Variants in IL4I1 observed in about 807,000 individuals in gnomAD.
IL4I1 encodes the protein L-amino-acid oxidase.
In IL4I1, 24 loss-of-function variants were observed where a neutral mutation model predicts 29.7. The ratio of observed to expected loss-of-function variants is 0.81; its 90% CI spans 0.59 to 1.14. IL4I1 has a LOEUF of 1.14. Ranked by LOEUF, IL4I1 falls within the 50% of genes most tolerant of loss-of-function variation. IL4I1 has a pLI of 0.00. For synonymous variants in IL4I1, 371 were observed against 352.5 expected (o/e 1.05, Z -0.59); for missense variants, 686 against 785.6 (o/e 0.87, Z 1.52).
In IL4I1 at chr19:49,926,261, G is replaced by C. The variant is rs938358279; in HGVS notation, c.-228+1433C>G. Reference sequence around the variant, plus strand: ...GTCTTGCTTAAGACTGGGTGTGGTGGCTCATGCCTGTAAATCCCAGCATTT... The same window carrying C: ...GTCTTGCTTAAGACTGGGTGTGGTGCCTCATGCCTGTAAATCCCAGCATTT... On this transcript the variant is annotated intron_variant, in intron 2 of 9. Transcript: ENST00000341114. Among the ~76,000 whole-genome samples the C allele has an allele frequency of 5.3e-5, 8 of 150,810 alleles. No homozygotes were observed. The Admixed American group carries it at 5.3e-4, about 10-fold the overall frequency.
At chr19:49,926,533 AAAACCAAACC>A (rs150522332) in intron 2 of IL4I1, among the ~76,000 whole-genome samples, 187 of 151,618 alleles carry the variant, frequency 1.2e-3, no homozygotes, top group East Asian at 7.1e-3. Context: ...CTGTCTCAAA[AAAACCAAACC>A]AAACCAAACC....
intron 2 of IL4I1, among the ~76,000 whole-genome samples, chr19:49,925,087 C>A (rs2075854462): frequency 6.6e-6 from 1 of 151,926 alleles, no homozygotes; most frequent in African/African-American, 2.4e-5. Context: ...CATGGAGAAA[C>A]CCCGTCTCTA....
At chr19:49,897,201 A>G (rs2075221763), upstream of IL4I1, among the ~76,000 whole-genome samples, 1 of 151,716 alleles carries the variant, frequency 6.6e-6, no homozygotes, top group Admixed American at 6.6e-5. Flanking sequence ...CCTCCCCTGC[A>G]CTCTCTCTGC....
chr19:49,902,907 G>A (rs562381472), intron 3 of IL4I1, among the ~76,000 whole-genome samples: 1 of 152,116 alleles, frequency 6.6e-6, no homozygotes, highest in African/African-American at 2.4e-5. Flanking sequence ...ACAAGGTCAG[G>A]AGATCAAGAC....
At chr19:49,902,359 CTTTTTTTT>C (rs1207280960) in intron 3 of IL4I1, among the ~76,000 whole-genome samples, 2 of 118,634 alleles carry the variant, frequency 1.7e-5, no homozygotes, top group African/African-American at 3.1e-5. Flanking sequence ...GCAGCCATTT[CTTTTTTTT>C]TTTTTTTTTT....
chr19:49,908,731 G>A lies in IL4I1; in HGVS notation c.-227-4410C>T, dbSNP rs753830357. The A allele has an allele frequency of 3.7e-6, 6 of 1,613,120 alleles. No individual in the cohort carries two copies. Among genetic ancestry groups the A allele is most frequent in the South Asian group, 3.3e-5 (3 of 91,088 alleles). On this transcript the variant is annotated intron_variant, in intron 2 of 9. Coordinates refer to the IL4I1 transcript ENST00000341114. Reference sequence around the variant, plus strand: ...TCTCGATCAGCGTGCGGTCCCAGGCGTTGACCTGGGTGGCCTGCTGGAGGA... The same window carrying A: ...TCTCGATCAGCGTGCGGTCCCAGGCATTGACCTGGGTGGCCTGCTGGAGGA...
At chr19:49,927,978 T>A (rs917320186) in intron 1 of IL4I1, 2 of 152,154 alleles carry the variant, frequency 1.3e-5, no homozygotes, top group African/African-American at 4.8e-5. Flanking sequence ...AAGGACGGTT[T>A]GAAAGGAAGC....
chr19:49,924,464 C>T (rs1360412440), intron 2 of IL4I1, among the ~76,000 whole-genome samples: 2 of 152,174 alleles, frequency 1.3e-5, no homozygotes, highest in Admixed American at 6.5e-5. Flanking sequence ...TCCCCGTCCC[C>T]GTCAAACAGC....
intron 2 of IL4I1, among the ~76,000 whole-genome samples, chr19:49,916,004 T>C (rs2075614188): frequency 6.6e-6 from 1 of 152,200 alleles, no homozygotes; most frequent in Non-Finnish European, 1.5e-5. Context: ...TGGTACACAG[T>C]AGGGACTCAG....
chr19:49,895,710 C>G, intron 3 of IL4I1, 105 bp downstream of exon 3: 1 of 881,626 alleles, frequency 1.1e-6, no homozygotes. Flanking sequence ...CCCCCACATC[C>G]CCACCTCCAC....
chr19:49,915,157 T>TG (rs1189134926), intron 2 of IL4I1, among the ~76,000 whole-genome samples: 7 of 151,970 alleles, frequency 4.6e-5, no homozygotes, highest in East Asian at 3.9e-4. Flanking sequence ...GCTATGTGTG[T>TG]GGGGGGGTAG....
upstream of IL4I1, chr19:49,901,558 C>T (rs2075272061): frequency 1.0e-6 from 1 of 981,380 alleles, no homozygotes; most frequent in South Asian, 2.1e-5. Context: ...TTTGGCCTGA[C>T]CCCAGGACAG....
At chr19:49,909,968 G>A in intron 2 of IL4I1, 1 of 752,848 alleles carries the variant, frequency 1.3e-6, no homozygotes, top group Non-Finnish European at 2.4e-6. Context: ...CGGTTTGGAG[G>A]GTGGTGGGAT....
intron 3 of IL4I1, among the ~76,000 whole-genome samples, chr19:49,902,960 C>T (rs1045936355): frequency 4.0e-5 from 6 of 150,566 alleles, no homozygotes; most frequent in East Asian, 3.9e-4. Context: ...ACTAAAAATA[C>T]GAAAATTAGC....
chr19:49,924,220 C>T (rs990602564), intron 2 of IL4I1, among the ~76,000 whole-genome samples: 20 of 152,154 alleles, frequency 1.3e-4, no homozygotes, highest in African/African-American at 4.8e-4. Context: ...GTGATTTTCA[C>T]AACCCCCCTT....
chr19:49,906,356 G>A (rs1269476828), intron 2 of IL4I1, among the ~76,000 whole-genome samples: 2 of 152,088 alleles, frequency 1.3e-5, no homozygotes, highest in Non-Finnish European at 2.9e-5. Flanking sequence ...CCACAGTTGC[G>A]TGCCACCACG....
At chr19:49,916,985 C>T (rs547335170) in intron 2 of IL4I1, among the ~76,000 whole-genome samples, 2 of 152,268 alleles carry the variant, frequency 1.3e-5, no homozygotes, top group South Asian at 2.1e-4. Flanking sequence ...TGACAGCCAC[C>T]TGGTGGCACT....
chr19:49,901,627 G>C (rs994376480), upstream of IL4I1: 23 of 1,493,634 alleles, frequency 1.5e-5, no homozygotes, highest in Non-Finnish European at 1.9e-5. Context: ...GGCCCCGGGT[G>C]GGGGCACTCA....
At chr19:49,923,654 T>G (rs986837564) in intron 2 of IL4I1, among the ~76,000 whole-genome samples, 1 of 152,236 alleles carries the variant, frequency 6.6e-6, no homozygotes. Context: ...CATTTCCCTA[T>G]GCCAGGCCCC....
Sources: gnomAD v4.1 joint callset for allele counts (sites outside exome capture counted in the v4.1 genomes callset) on GRCh38, gnomAD v4.1.1 for gene constraint, MANE v1.5 for transcripts, NCBI Gene and HGNC (gene_info 2026-07-23, HGNC 2026-07-21) for gene names.